Variants in CNTN4 observed in about 807,000 individuals in gnomAD.
The protein encoded by CNTN4 is contactin 4, also known as contactin-4.
Under a neutral mutation model 122.5 loss-of-function variants are expected in CNTN4, and 77 were observed. The ratio of observed to expected loss-of-function variants is 0.63; its 90% CI spans 0.52 to 0.76. The LOEUF is 0.76. Among genes scored for constraint, CNTN4 ranks in the 30% least tolerant of loss-of-function variants. The pLI, the probability that CNTN4 is intolerant of heterozygous loss-of-function variation, is 0.00. For missense variants in CNTN4, 1,256 were observed against 1,259.1 expected, an observed-to-expected ratio of 1.00 and a Z score of 0.04; for synonymous variants, 512 against 447.0, an observed-to-expected ratio of 1.15 and a Z score of -1.83.
chr3:2,444,899 T>G (rs1392620221), intron 3 of CNTN4, among the ~76,000 whole-genome samples: 1 of 152,044 alleles, frequency 6.6e-6, no homozygotes, highest in Non-Finnish European at 1.5e-5. Context: ...TTTGTACCCC[T>G]TGACAAAAGG....
intron 4 of CNTN4, among the ~76,000 whole-genome samples, chr3:2,650,928 T>A (rs1471923798): frequency 6.6e-6 from 1 of 152,202 alleles, no homozygotes; most frequent in Non-Finnish European, 1.5e-5. Flanking sequence ...TATATCTGTA[T>A]AGATAAGACT....
chr3:3,046,509 C>T (rs1700671975), intron 23 of CNTN4, among the ~76,000 whole-genome samples: 1 of 152,136 alleles, frequency 6.6e-6, no homozygotes, highest in African/African-American at 2.4e-5. Flanking sequence ...CAATCCAGAA[C>T]TTCATATCCA....
At chr3:2,384,627 T>A (rs949998628) in intron 3 of CNTN4, among the ~76,000 whole-genome samples, 4 of 152,158 alleles carry the variant, frequency 2.6e-5, no homozygotes, top group African/African-American at 7.2e-5. Context: ...TTACTCCCTT[T>A]GTGGAAATCT....
intron 4 of CNTN4, among the ~76,000 whole-genome samples, chr3:2,657,517 T>C (rs1179065017): frequency 6.6e-6 from 1 of 152,174 alleles, no homozygotes; most frequent in African/African-American, 2.4e-5. Context: ...GTTTTGCGTT[T>C]GTGAATTGAA....
At chr3:2,448,060 G>A (rs1000570433) in intron 3 of CNTN4, among the ~76,000 whole-genome samples, 1 of 152,160 alleles carries the variant, frequency 6.6e-6, no homozygotes, top group African/African-American at 2.4e-5. Context: ...AGAAAATTTT[G>A]TGTGAAAATA....
intron 12 of CNTN4, among the ~76,000 whole-genome samples, chr3:2,908,785 G>T (rs1475193754): frequency 6.6e-6 from 1 of 152,170 alleles, no homozygotes; most frequent in Non-Finnish European, 1.5e-5. Context: ...GTGGGTATCT[G>T]CCCAGTGGTC....
At chr3:2,472,830 G>C (rs1309235341) in intron 3 of CNTN4, among the ~76,000 whole-genome samples, 1 of 152,162 alleles carries the variant, frequency 6.6e-6, no homozygotes, top group African/African-American at 2.4e-5. Flanking sequence ...TGAACTAAAA[G>C]TATAAGATTG....
At chr3:2,644,910 G>A (rs2083053243) in intron 4 of CNTN4, among the ~76,000 whole-genome samples, 1 of 150,212 alleles carries the variant, frequency 6.7e-6, no homozygotes, top group Non-Finnish European at 1.5e-5. Flanking sequence ...TTGTTCCCAA[G>A]ACACAGGCTT....
At chr3:2,806,411 G>C (rs1272877083) in intron 6 of CNTN4, among the ~76,000 whole-genome samples, 1 of 152,182 alleles carries the variant, frequency 6.6e-6, no homozygotes, top group Non-Finnish European at 1.5e-5. Flanking sequence ...TATTGACGAA[G>C]GGAGGGCTGT....
At chr3:2,690,705 G>C (rs777713703) in intron 4 of CNTN4, among the ~76,000 whole-genome samples, 29 of 152,100 alleles carry the variant, frequency 1.9e-4, no homozygotes, top group Non-Finnish European at 2.5e-4. Context: ...TTTTTGTACA[G>C]CACATGGACT....
intron 4 of CNTN4, among the ~76,000 whole-genome samples, chr3:2,631,392 G>T (rs1191276147): frequency 6.6e-6 from 1 of 152,090 alleles, no homozygotes; most frequent in Non-Finnish European, 1.5e-5. Flanking sequence ...TGTAGTAGAA[G>T]AAGAAAGCAA....
At chr3:2,221,479 G>T (rs919516427) in intron 2 of CNTN4, among the ~76,000 whole-genome samples, 1 of 151,178 alleles carries the variant, frequency 6.6e-6, no homozygotes, top group South Asian at 2.1e-4. Flanking sequence ...TCTTTATGAC[G>T]TTGGATTAGG....
intron 2 of CNTN4, among the ~76,000 whole-genome samples, chr3:2,295,154 T>G (rs1364713993): frequency 6.2e-5 from 9 of 145,780 alleles, no homozygotes; most frequent in Non-Finnish European, 1.2e-4. Context: ...GCTTGTGTCT[T>G]TATAGCAGCA....
At chr3:2,319,692 CTG>C (rs2043217698) in intron 2 of CNTN4, among the ~76,000 whole-genome samples, 1 of 152,148 alleles carries the variant, frequency 6.6e-6, no homozygotes, top group Non-Finnish European at 1.5e-5. Flanking sequence ...TATGTGTTGA[CTG>C]TTTATGTTAT....
intron 14 of CNTN4, among the ~76,000 whole-genome samples, chr3:3,005,577 C>T (rs1031674296): frequency 2.0e-5 from 3 of 151,146 alleles, no homozygotes; most frequent in African/African-American, 4.9e-5. Flanking sequence ...TTCTGGAGGC[C>T]GTGGTCTAGA....
intron 3 of CNTN4, among the ~76,000 whole-genome samples, chr3:2,443,524 T>A (rs1287565478): frequency 2.0e-5 from 3 of 152,228 alleles, no homozygotes; most frequent in African/African-American, 7.2e-5. Context: ...TGATGGCCTC[T>A]TGTAACGTAC....
At position 2,907,119 on chromosome 3, in the gene CNTN4, C is replaced by T. The variant is rs114272149; in HGVS notation, c.1207+4114C>T. ...TTAATATTGGTTAACTTGGGTAAGA[C>T]ATAATATGATTGTTTTCCACAAGTC... is the stretch of plus-strand genomic sequence containing the variant. On this transcript the variant is annotated intron_variant, in intron 12 of 24. Coordinates refer to ENST00000418658, the MANE Select transcript of CNTN4 (RefSeq NM_175607.3). Among the ~76,000 whole-genome samples, 1,242 of 152,236 alleles carry T rather than the reference C, an allele frequency of 8.2e-3. 16 individuals carry two copies. The highest frequency in any genetic ancestry group is 0.028 in the African/African-American group (1,176 of 41,536).
intron 3 of CNTN4, among the ~76,000 whole-genome samples, chr3:2,451,642 G>A (rs1171266233): frequency 2.0e-5 from 3 of 151,838 alleles, no homozygotes; most frequent in Non-Finnish European, 2.9e-5. Context: ...TTATCCTCAC[G>A]ATAGTTTAAA....
chr3:2,194,488 T>C (rs1042968831), intron 2 of CNTN4, among the ~76,000 whole-genome samples: 1 of 152,010 alleles, frequency 6.6e-6, no homozygotes, highest in Admixed American at 6.6e-5. Flanking sequence ...AGAAATCAAA[T>C]GGGATACAGT....
Sources: allele counts gnomAD v4.1 joint callset (sites outside exome capture counted in the v4.1 genomes callset), GRCh38; gene constraint gnomAD v4.1.1; transcripts MANE v1.5; gene names NCBI Gene and HGNC (gene_info 2026-07-23, HGNC 2026-07-21).